Variants in DISC1 observed in about 807,000 individuals in gnomAD.
DISC1 encodes disrupted in schizophrenia 1 protein.
DISC1 carries 57 observed loss-of-function variants against 84.5 expected under a neutral mutation model. The observed-to-expected ratio is 0.67, with a 90% CI of 0.55 to 0.84. The LOEUF is 0.84. Ranked by LOEUF, DISC1 falls within the 40% of genes least tolerant of loss-of-function variation. The pLI, the probability that DISC1 is intolerant of heterozygous loss-of-function variation, is 0.00. For missense variants in DISC1, 1,000 were observed against 1,057.8 expected (o/e 0.95, Z 0.76); for synonymous variants, 411 against 415.2 (o/e 0.99, Z 0.12).
chr1:231,960,225 T>A (rs551962817), intron 10 of DISC1, among the ~76,000 whole-genome samples: 13 of 152,304 alleles, frequency 8.5e-5, no homozygotes, highest in Non-Finnish European at 1.6e-4. Flanking sequence ...TAGGCACGCA[T>A]TAGTTTCCTT....
intron 3 of DISC1, among the ~76,000 whole-genome samples, chr1:231,708,048 A>G (rs2067308540): frequency 6.6e-6 from 1 of 152,316 alleles, no homozygotes; most frequent in East Asian, 1.9e-4. Flanking sequence ...GAAATTAGGT[A>G]TGGTTTAAGA....
At chr1:231,864,447 AG>A (rs1367165952) in intron 9 of DISC1, among the ~76,000 whole-genome samples, 3 of 152,068 alleles carry the variant, frequency 2.0e-5, no homozygotes, top group Non-Finnish European at 4.4e-5. Flanking sequence ...GCAGATCACG[AG>A]GTCAGGAGAT....
In DISC1 at chr1:231,679,198, G is replaced by A. The variant is rs183235075; in HGVS notation, c.68-14628G>A. On this transcript the variant is annotated intron_variant, in intron 1 of 12. Coordinates refer to ENST00000439617, the MANE Select transcript of DISC1 (RefSeq NM_018662.3). ...TGAGGGACACTCACTTCCCTGGCAA[G>A]CACTGTCTTGGACTGCATGAGTGAT... 1.3e-3 allele frequency among the ~76,000 whole-genome samples: 196 copies of A among 152,362 alleles called. 1 individual carries two copies. Among genetic ancestry groups the A allele is most frequent in the African/African-American group, 4.5e-3 (186 of 41,602 alleles).
chr1:231,760,921 G>A (rs2075602845), intron 4 of DISC1, among the ~76,000 whole-genome samples: 2 of 152,226 alleles, frequency 1.3e-5, no homozygotes, highest in African/African-American at 4.8e-5. Context: ...AGGAACCACA[G>A]ACACCTAGAC....
At chr1:231,785,884 G>C (rs1386251582) in intron 6 of DISC1, among the ~76,000 whole-genome samples, 1 of 152,126 alleles carries the variant, frequency 6.6e-6, no homozygotes, top group African/African-American at 2.4e-5. Context: ...TGTCTGCAGG[G>C]AGCAGGCCGT....
intron 10 of DISC1, among the ~76,000 whole-genome samples, chr1:231,977,001 A>G (rs555899921): frequency 1.3e-5 from 2 of 152,310 alleles, no homozygotes; most frequent in Admixed American, 6.5e-5. Context: ...ATGTAAGGCA[A>G]CTGGGACTCA....
intron 9 of DISC1, among the ~76,000 whole-genome samples, chr1:231,938,296 A>G (rs1368875936): frequency 1.3e-5 from 2 of 152,126 alleles, no homozygotes; most frequent in Non-Finnish European, 2.9e-5. Flanking sequence ...CAAGTGGAAG[A>G]CTTTCTCAGG....
chr1:231,927,214 A>G (rs755274156), intron 9 of DISC1, among the ~76,000 whole-genome samples: 2 of 152,206 alleles, frequency 1.3e-5, no homozygotes, highest in Non-Finnish European at 2.9e-5. Context: ...CCCTGTGGCC[A>G]TGCAATTTCC....
At chr1:231,684,364 G>T (rs1292722884) in intron 1 of DISC1, among the ~76,000 whole-genome samples, 2 of 151,872 alleles carry the variant, frequency 1.3e-5, no homozygotes, top group African/African-American at 4.8e-5. Context: ...ATAATTATGT[G>T]TTTAATATAT....
intron 9 of DISC1, among the ~76,000 whole-genome samples, chr1:231,937,177 A>G (rs2091032833): frequency 6.6e-6 from 1 of 152,360 alleles, no homozygotes; most frequent in African/African-American, 2.4e-5. Context: ...AGCCAGTTAT[A>G]TATGACTCAC....
At position 231,928,405 on chromosome 1, in the gene DISC1, C is replaced by T. The variant is rs941642430; in HGVS notation, c.1982-30423C>T. 5.3e-5 allele frequency among the ~76,000 whole-genome samples: 8 copies of T among 152,166 alleles called. No homozygotes were observed. The East Asian group carries it at 7.7e-4, about 15-fold the overall frequency. ...GCATCCTCAGTATGGAAGGCTGTGC[C>T]CACCTACGTTTGAAATGTGCAAGCT... On this transcript the variant is annotated intron_variant, in intron 9 of 12. Coordinates refer to ENST00000439617, the MANE Select transcript of DISC1 (RefSeq NM_018662.3).
chr1:231,881,670 T>C (rs2181310), intron 9 of DISC1, among the ~76,000 whole-genome samples: 130,373 of 152,066 alleles, frequency 0.86, 56,199 homozygotes, highest in East Asian at 1. Context: ...AGACGAGCAC[T>C]TCCTCTTCCT....
At chr1:231,981,219 C>T (rs1663555125) in intron 10 of DISC1, among the ~76,000 whole-genome samples, 1 of 152,186 alleles carries the variant, frequency 6.6e-6, no homozygotes, top group African/African-American at 2.4e-5. Flanking sequence ...GTTGGGATTA[C>T]AGGTATGAGC....
chr1:231,988,485 G>A (rs1664763556), intron 10 of DISC1, among the ~76,000 whole-genome samples: 1 of 152,228 alleles, frequency 6.6e-6, no homozygotes, highest in African/African-American at 2.4e-5. Flanking sequence ...CTTTGGTGGT[G>A]ATTAGGTCAC....
chr1:231,639,196 A>G (rs2059427273), intron 1 of DISC1, among the ~76,000 whole-genome samples: 2 of 152,192 alleles, frequency 1.3e-5, no homozygotes, highest in African/African-American at 4.8e-5. Flanking sequence ...CACACTTTTC[A>G]TGTAGATTGC....
chr1:231,976,644 C>T (rs1397624387), intron 10 of DISC1, among the ~76,000 whole-genome samples: 1 of 152,112 alleles, frequency 6.6e-6, no homozygotes, highest in Non-Finnish European at 1.5e-5. Flanking sequence ...CTTTTATAAC[C>T]CCCGTATTGG....
At chr1:231,892,652 A>G (rs2087326758) in intron 9 of DISC1, among the ~76,000 whole-genome samples, 1 of 150,254 alleles carries the variant, frequency 6.7e-6, no homozygotes, top group South Asian at 2.1e-4. Context: ...GGGGAAATGA[A>G]TATAAAAACA....
chr1:231,672,467 CT>C (rs1190868975), intron 1 of DISC1, among the ~76,000 whole-genome samples: 1 of 152,186 alleles, frequency 6.6e-6, no homozygotes, highest in Non-Finnish European at 1.5e-5. Context: ...TGTCTTCTCT[CT>C]TATCTATTAT....
At chr1:231,802,446 G>T (rs1307074060) in intron 8 of DISC1, among the ~76,000 whole-genome samples, 1 of 152,080 alleles carries the variant, frequency 6.6e-6, no homozygotes, top group Admixed American at 6.6e-5. Context: ...ATGGGGAACT[G>T]TGAGTCAATT....
Sources: gnomAD v4.1 joint callset for allele counts (sites outside exome capture counted in the v4.1 genomes callset) on GRCh38, gnomAD v4.1.1 for gene constraint, MANE v1.5 for transcripts, NCBI Gene and HGNC (gene_info 2026-07-23, HGNC 2026-07-21) for gene names.